SMAD7: variants seen among roughly 807,000 people sequenced by gnomAD.
The protein encoded by SMAD7 is SMAD family member 7.
A neutral mutation model predicts 38.7 loss-of-function variants in SMAD7; 8 were observed. The observed-to-expected ratio is 0.21, with a 90% CI of 0.12 to 0.37. The LOEUF (loss-of-function observed/expected upper bound fraction) is 0.37, where lower values mean the gene tolerates loss of function less well. SMAD7 is among the 10% of genes least tolerant of loss of function. The probability of loss-of-function intolerance (pLI) is 1.00; values close to 1 mark genes in which losing one functional copy is unlikely to be tolerated. For missense variants in SMAD7, 477 were observed against 577.9 expected (o/e 0.83, Z 1.79); for synonymous variants, 327 against 265.1 (o/e 1.23, Z -2.27).
At position 48,936,159 on chromosome 18, in the gene SMAD7, G is replaced by T. The variant is rs575224340; in HGVS notation, c.742+6322C>A. 3.4e-5 allele frequency among the ~76,000 whole-genome samples: 5 copies of T among 146,534 alleles called. No homozygotes were observed. In the East Asian group the frequency reaches 1.0e-3, roughly 29 times the overall value. ...AGATCCCAGGCAGGCTACCAGCCTT[G>T]CTCCCTGGTCCATCAATGTACTTCC... is the stretch of plus-strand genomic sequence containing the variant. On this transcript the variant is annotated intron_variant, in intron 3 of 3. Coordinates refer to ENST00000262158, the MANE Select transcript of SMAD7 (RefSeq NM_005904.4).
chr18:48,932,576 G>T (rs953968580), intron 3 of SMAD7, among the ~76,000 whole-genome samples: 41 of 152,168 alleles, frequency 2.7e-4, no homozygotes, highest in Admixed American at 2.6e-3. Context: ...CTTCACGGAG[G>T]AGCGAGAAGA....
chr18:48,940,200 G>T (rs141968566), intron 3 of SMAD7, among the ~76,000 whole-genome samples: 2 of 152,230 alleles, frequency 1.3e-5, no homozygotes, highest in East Asian at 3.9e-4. Context: ...AAAGAAGAAG[G>T]AGCTCAAACT....
chr18:48,949,466 A>C (rs1599238316), intron 1 of SMAD7: 17 of 160,812 alleles, frequency 1.1e-4, no homozygotes, highest in South Asian at 2.1e-4. Context: ...TGACCCCCCC[A>C]CCTCCCTCTG....
At chr18:48,946,830 T>C (rs1466221897) in intron 2 of SMAD7, among the ~76,000 whole-genome samples, 1 of 152,212 alleles carries the variant, frequency 6.6e-6, no homozygotes. Context: ...TATCCCAGTG[T>C]CTCTGCAGGA....
intron 2 of SMAD7, among the ~76,000 whole-genome samples, chr18:48,947,903 C>CG (rs1491303487): frequency 2.7e-5 from 4 of 149,738 alleles, no homozygotes; most frequent in Admixed American, 6.6e-5. Context: ...CCCCCCCCCC[C>CG]CTTTTACTGG....
At chr18:48,938,347 G>C (rs1458876220) in intron 3 of SMAD7, among the ~76,000 whole-genome samples, 1 of 152,194 alleles carries the variant, frequency 6.6e-6, no homozygotes, top group East Asian at 1.9e-4. Context: ...TTGGGTTGGA[G>C]GCATGGTGCC....
At chr18:48,930,873 C>T (rs1599224667) in intron 3 of SMAD7, among the ~76,000 whole-genome samples, 1 of 152,350 alleles carries the variant, frequency 6.6e-6, no homozygotes, top group Middle Eastern at 3.4e-3. Flanking sequence ...CATCCATGTT[C>T]ACAGCAGCAT....
At chr18:48,942,419 C>A (rs1434348094) in intron 3 of SMAD7, 62 bp downstream of exon 3, 1 of 1,187,728 alleles carries the variant, frequency 8.4e-7, no homozygotes, top group Non-Finnish European at 1.2e-6. Flanking sequence ...CCCCATTCCT[C>A]CAGTCTTTAG....
At chr18:48,948,472 A>G (rs1203459702) in intron 1 of SMAD7, 35 bp from the exon 2 acceptor site, 3 of 1,431,794 alleles carry the variant, frequency 2.1e-6, no homozygotes, top group Non-Finnish European at 2.9e-6. Flanking sequence ...ATAAAGGCCC[A>G]GCCATGAGAA....
rs1369490018 is a variant in SMAD7 at position 48,942,487 on chromosome 18, G to GC, written c.735dup (p.Leu246AlafsTer44). ...ATAAGAGAAAGCATCTTACCTGAAAGCCCCCCAGGGGCCAGATAATTCGTT... is the reference window on the plus strand; with the variant it reads ...ATAAGAGAAAGCATCTTACCTGAAAGCCCCCCCAGGGGCCAGATAATTCGTT... On this transcript the variant is annotated frameshift_variant, in exon 3 of 4. Coordinates refer to ENST00000262158, the MANE Select transcript of SMAD7 (RefSeq NM_005904.4). LOFTEE classifies it high-confidence loss of function. The GC allele has an allele frequency of 6.3e-7, 1 of 1,575,618 alleles. No individual in the cohort carries two copies. Among genetic ancestry groups the GC allele is most frequent in the Non-Finnish European group, 8.6e-7 (1 of 1,164,508 alleles).
rs1476581442 is a variant in SMAD7, at chr18:48,943,570, G to A, written c.668-1015C>T. Among the ~76,000 whole-genome samples, 3 of 152,250 alleles carry A rather than the reference G, an allele frequency of 2.0e-5. No individual in the cohort carries two copies. The East Asian group carries it at 5.8e-4, about 29-fold the overall frequency. ...AAGCTTGTCATGCACCACTGGCAGC[G>A]CCAAACTCCCTGAAGTCCTAGCGGA... On this transcript the variant is annotated intron_variant, in intron 2 of 3. Transcript: ENST00000262158.
At chr18:48,947,961 G>T (rs2070215220) in intron 2 of SMAD7, among the ~76,000 whole-genome samples, 1 of 142,376 alleles carries the variant, frequency 7.0e-6, no homozygotes, top group African/African-American at 2.7e-5. Flanking sequence ...CCAGACCAAA[G>T]TCTTCTTTGC....
chr18:48,928,213 C>T (rs903089095), intron 3 of SMAD7, among the ~76,000 whole-genome samples: 2 of 152,176 alleles, frequency 1.3e-5, no homozygotes, highest in African/African-American at 4.8e-5. Flanking sequence ...GTAAAGGGGA[C>T]AAGGGAAGAT....
intron 3 of SMAD7, among the ~76,000 whole-genome samples, chr18:48,928,701 G>C (rs2069957409): frequency 6.6e-6 from 1 of 152,084 alleles, no homozygotes; most frequent in Non-Finnish European, 1.5e-5. Context: ...TACAAATTAT[G>C]TTAAATAATC....
intron 2 of SMAD7, 176 bp from the exon 3 acceptor site, chr18:48,942,731 C>G (rs1568304755): frequency 6.7e-7 from 1 of 1,481,726 alleles, no homozygotes; most frequent in East Asian, 2.6e-5. Flanking sequence ...CATCGTAAGA[C>G]AGACCACAGC....
intron 3 of SMAD7, among the ~76,000 whole-genome samples, chr18:48,923,743 C>G (rs1416994828): frequency 6.6e-6 from 1 of 152,156 alleles, no homozygotes; most frequent in African/African-American, 2.4e-5. Flanking sequence ...TCACCACCCC[C>G]CATGTAGCTT....
chr18:48,922,097 T>C (rs2069869916), intron 3 of SMAD7, among the ~76,000 whole-genome samples, 187 bp from the exon 4 acceptor site: 2 of 152,180 alleles, frequency 1.3e-5, no homozygotes. Flanking sequence ...GGACCCTGCC[T>C]TTCTTTAAGC....
chr18:48,946,015 G>A (rs544772125), intron 2 of SMAD7, among the ~76,000 whole-genome samples: 1 of 152,252 alleles, frequency 6.6e-6, no homozygotes, highest in South Asian at 2.1e-4. Context: ...TAAAGTCCAG[G>A]CCTCCCAGAT....
intron 3 of SMAD7, among the ~76,000 whole-genome samples, chr18:48,932,438 T>A (rs1002575730): frequency 2.0e-5 from 3 of 152,202 alleles, no homozygotes; most frequent in Non-Finnish European, 4.4e-5. Context: ...TTATCTGAGT[T>A]GTCTTCTGGC....
Sources: gnomAD v4.1 joint callset for allele counts (sites outside exome capture counted in the v4.1 genomes callset) on GRCh38, gnomAD v4.1.1 for gene constraint, MANE v1.5 for transcripts, NCBI Gene and HGNC (gene_info 2026-07-23, HGNC 2026-07-21) for gene names.